ASPH: variants seen among roughly 807,000 people sequenced by gnomAD.
The protein encoded by ASPH is aspartyl/asparaginyl beta-hydroxylase.
A neutral mutation model predicts 118.4 loss-of-function variants in ASPH; 100 were observed. The observed-to-expected ratio is 0.84, with a 90% CI of 0.72 to 1.00. ASPH has a LOEUF of 1.00. Ranked by LOEUF, ASPH falls within the 50% of genes least tolerant of loss-of-function variation. The pLI, the probability that ASPH is intolerant of heterozygous loss-of-function variation, is 0.00. For synonymous variants in ASPH, 315 were observed against 325.6 expected, an observed-to-expected ratio of 0.97 and a Z score of 0.35; for missense variants, 920 against 919.5, an observed-to-expected ratio of 1.00 and a Z score of -0.01.
At chr8:61,617,475 T>C (rs1050001758) in intron 14 of ASPH, among the ~76,000 whole-genome samples, 3 of 152,186 alleles carry the variant, frequency 2.0e-5, no homozygotes, top group African/African-American at 7.2e-5. Flanking sequence ...CCTAAATATA[T>C]CGGAAGATCC....
chr8:61,695,493 T>A (rs762055603), intron 1 of ASPH, among the ~76,000 whole-genome samples: 1 of 152,152 alleles, frequency 6.6e-6, no homozygotes, highest in Non-Finnish European at 1.5e-5. Flanking sequence ...TTTTCCCATG[T>A]CAAAGCTGCA....
At chr8:61,576,983 A>G in intron 15 of ASPH, 125 bp from the exon 16 acceptor site, 1 of 691,194 alleles carries the variant, frequency 1.4e-6, no homozygotes, top group Non-Finnish European at 2.2e-6. Flanking sequence ...GTGTAAAGAT[A>G]GTTTTATCTA....
chr8:61,558,307 G>C (rs1295820675), intron 18 of ASPH, among the ~76,000 whole-genome samples: 1 of 152,182 alleles, frequency 6.6e-6, no homozygotes. Flanking sequence ...TGGGATGATG[G>C]AGGAAAAGGC....
intron 1 of ASPH, among the ~76,000 whole-genome samples, chr8:61,693,672 T>C (rs1199396744): frequency 1.3e-5 from 2 of 152,172 alleles, no homozygotes; most frequent in African/African-American, 2.4e-5. Context: ...AATGGGAACA[T>C]TCACTCTTTG....
chr8:61,712,144 G>A (rs1281499136), intron 1 of ASPH, among the ~76,000 whole-genome samples: 3 of 152,148 alleles, frequency 2.0e-5, no homozygotes, highest in Non-Finnish European at 1.5e-5. Flanking sequence ...TTCCTCATCT[G>A]TATGATTTGA....
At position 61,531,015 on chromosome 8, in the gene ASPH, G is replaced by A. The variant is rs896706889; in HGVS notation, c.1765-4903C>T. ...TCATATCAGTGCAAATTCACATTCA[G>A]GTTTTATAATAGTATGACAATCAGG... On this transcript the variant is annotated intron_variant, in intron 21 of 24. Coordinates refer to ENST00000379454, the MANE Select transcript of ASPH (RefSeq NM_004318.4). Among the ~76,000 whole-genome samples, 3 of 152,090 alleles carry A rather than the reference G, an allele frequency of 2.0e-5. No individual in the cohort carries two copies. In the East Asian group the frequency reaches 5.8e-4, roughly 29 times the overall value.
chr8:61,696,672 G>A (rs16927774), intron 1 of ASPH, among the ~76,000 whole-genome samples: 2 of 138,498 alleles, frequency 1.4e-5, no homozygotes, highest in Non-Finnish European at 3.2e-5. Flanking sequence ...AAAAAAAAAA[G>A]CATTCCTCTG....
At chr8:61,704,652 A>G (rs1039167110) in intron 1 of ASPH, among the ~76,000 whole-genome samples, 3 of 152,220 alleles carry the variant, frequency 2.0e-5, no homozygotes, top group African/African-American at 7.2e-5. Flanking sequence ...AAAAAACAAT[A>G]AAATTAGAAA....
intron 1 of ASPH, among the ~76,000 whole-genome samples, chr8:61,696,708 G>A (rs751218064): frequency 6.6e-6 from 1 of 152,078 alleles, no homozygotes; most frequent in African/African-American, 2.4e-5. Flanking sequence ...CACATGGGTG[G>A]GTGATAATTA....
chr8:61,671,942 T>C (rs891901214), intron 3 of ASPH, among the ~76,000 whole-genome samples: 1 of 152,266 alleles, frequency 6.6e-6, no homozygotes, highest in African/African-American at 2.4e-5. Context: ...CAGACAGCTC[T>C]AGAATTGGTC....
chr8:61,646,732 G>C lies in ASPH; in HGVS notation c.619+18C>G. On this transcript the variant is annotated intron_variant, in intron 6 of 24. Transcript: ENST00000379454. ...TTGATTATATTTTATCCTAAAACTT[G>C]AAAAAAAAGTGTTCTACCTTCATGA... 1.3e-6 allele frequency: 2 copies of C among 1,598,538 alleles called. No individual in the cohort carries two copies. The highest frequency in any genetic ancestry group is 1.7e-6 in the Non-Finnish European group (2 of 1,173,130).
At chr8:61,663,456 C>T (rs1231138308) in intron 3 of ASPH, 1 of 985,286 alleles carries the variant, frequency 1.0e-6, no homozygotes, top group African/African-American at 1.7e-5. Flanking sequence ...CAAGTGGTAG[C>T]ATCTCCAAAT....
rs181820720 is a variant in ASPH, at chr8:61,625,614, A to T, written c.935-6595T>A. The T allele has an allele frequency of 3.1e-6, 3 of 976,230 alleles. No homozygotes were observed. In the Admixed American group the frequency reaches 1.9e-4, roughly 63 times the overall value. 60.5% of individuals were successfully genotyped at this position (976,230 alleles called of 1,614,324 possible). ...CCCTCTCATTTAAAAAAATAAATAA[A>T]TGATAATTTAAAACTTTCACTGAAA... is the stretch of plus-strand genomic sequence containing the variant. On this transcript the variant is annotated intron_variant, in intron 13 of 24. Transcript: ENST00000379454.
intron 13 of ASPH, among the ~76,000 whole-genome samples, chr8:61,622,745 G>A (rs182310116): frequency 1.6e-4 from 25 of 152,202 alleles, no homozygotes; most frequent in Middle Eastern, 3.4e-3. Context: ...GTGTCACCTC[G>A]GGCCAGCAGG....
chr8:61,578,212 C>A lies in ASPH; in HGVS notation c.1063-1354G>T, dbSNP rs1835997826. On this transcript the variant is annotated intron_variant, in intron 15 of 24. Coordinates refer to ENST00000379454, the MANE Select transcript of ASPH (RefSeq NM_004318.4). The stretch of plus-strand genomic sequence containing the variant: ...TTCGGCCCGCCTGCCTCCACTCCTG[C>A]CTCCACCATGTCCATCAGGGTGATC... 1.0e-5 allele frequency: 16 copies of A among 1,571,282 alleles called. No individual in the cohort carries two copies. In the East Asian group the frequency reaches 3.6e-4, roughly 36 times the overall value.
chr8:61,644,024 G>A, intron 7 of ASPH, 23 bp from the exon 8 acceptor site: 5 of 1,549,830 alleles, frequency 3.2e-6, no homozygotes, highest in Non-Finnish European at 4.4e-6. Flanking sequence ...GAATAATTAG[G>A]AAATTACGTC....
intron 3 of ASPH, chr8:61,660,214 T>C (rs1254002698): frequency 6.6e-6 from 1 of 152,082 alleles, no homozygotes; most frequent in African/African-American, 2.4e-5. Context: ...GAGTACCCAA[T>C]GTTTAGCTCC....
At chr8:61,633,862 T>A in intron 12 of ASPH, 135 bp from the exon 13 acceptor site, 1 of 617,968 alleles carries the variant, frequency 1.6e-6, no homozygotes, top group Non-Finnish European at 2.7e-6. Flanking sequence ...AATAAAAACA[T>A]TAGGCTTCTA....
chr8:61,697,753 T>G (rs1320676775), intron 1 of ASPH, among the ~76,000 whole-genome samples: 1 of 152,208 alleles, frequency 6.6e-6, no homozygotes, highest in African/African-American at 2.4e-5. Flanking sequence ...CAAGTTTCCA[T>G]GTGTTTAAAG....
Sources: allele counts gnomAD v4.1 joint callset (sites outside exome capture counted in the v4.1 genomes callset), GRCh38; gene constraint gnomAD v4.1.1; transcripts MANE v1.5; gene names NCBI Gene and HGNC (gene_info 2026-07-23, HGNC 2026-07-21).